TMEM132C: variants seen among roughly 807,000 people sequenced by gnomAD.
TMEM132C encodes transmembrane protein 132C.
In TMEM132C, 29 loss-of-function variants were observed where a neutral mutation model predicts 61.4. That is an observed-to-expected ratio of 0.47 (90% CI 0.35 to 0.64). TMEM132C has a LOEUF of 0.64. TMEM132C is among the 30% of genes least tolerant of loss of function. The probability of loss-of-function intolerance (pLI) is 0.00; values close to 1 mark genes in which losing one functional copy is unlikely to be tolerated. For missense variants in TMEM132C, 1,408 were observed against 1,476.9 expected, an observed-to-expected ratio of 0.95 and a Z score of 0.76; for synonymous variants, 656 against 633.1, an observed-to-expected ratio of 1.04 and a Z score of -0.54.
Position 128,418,434 on chromosome 12 carries a change from A to T in TMEM132C, c.974+2814A>T, listed in dbSNP as rs1019632154. ...AGTGTGGCAAATGGAATTTTGCTCT[A>T]TGTGGAGTCTCTCTGTTTCTCTCCT... On this transcript the variant is annotated intron_variant, in intron 2 of 8. Coordinates refer to ENST00000435159, the MANE Select transcript of TMEM132C (RefSeq NM_001136103.3). 5.9e-5 allele frequency among the ~76,000 whole-genome samples: 9 copies of T among 152,340 alleles called. No homozygotes were observed. The East Asian group carries it at 1.7e-3, about 29-fold the overall frequency.
At chr12:128,357,707 A>G (rs981942541) in intron 1 of TMEM132C, among the ~76,000 whole-genome samples, 8 of 149,588 alleles carry the variant, frequency 5.3e-5, no homozygotes, top group African/African-American at 1.8e-4. Context: ...AAAAAAAAAA[A>G]AAAGAAAAAG....
chr12:128,706,012 G>T lies in TMEM132C; in HGVS notation c.3044G>T (p.Gly1015Val). ...CEESNHLLLN[G>V]GSHKHVQSQI... ...GAGAGCAACCATCTCCTGCTCAATG[G>T]TGGCTCCCACAAGCACGTGCAGAGC... The change falls in exon 9 of 9, where the codon GGT becomes GTT. Residue 1015 changes from glycine to valine, a missense_variant. Coordinates refer to ENST00000435159, the MANE Select transcript of TMEM132C (RefSeq NM_001136103.3). 1 of 1,551,728 alleles carries T rather than the reference G, an allele frequency of 6.4e-7. No homozygotes were observed. The highest frequency in any genetic ancestry group is 8.7e-7 in the Non-Finnish European group (1 of 1,146,998).
At position 128,705,425 on chromosome 12, in the gene TMEM132C, C is replaced by T; in HGVS notation, c.2457C>T (p.Asn819=). ...ACTATGAGGAAGATGAGATCAAGAA[C>T]CACGCCAGCGACCGCCGGCAGAAGG... ...GGDYEEDEIK[N]HASDRRQKGQ... Residue 819 remains asparagine, a synonymous_variant, in exon 9 of 9, where the codon AAC becomes AAT. Coordinates refer to ENST00000435159, the MANE Select transcript of TMEM132C (RefSeq NM_001136103.3). 3 of 1,550,952 alleles carry T rather than the reference C, an allele frequency of 1.9e-6. No individual in the cohort carries two copies. Among genetic ancestry groups the T allele is most frequent in the Non-Finnish European group, 2.6e-6 (3 of 1,146,968 alleles).
chr12:128,617,607 A>C (rs6486706), intron 4 of TMEM132C, among the ~76,000 whole-genome samples: 98,270 of 151,736 alleles, frequency 0.65, 31,946 homozygotes, highest in South Asian at 0.68. Context: ...GCAGATGCAG[A>C]GTCAGGTGGG....
intron 2 of TMEM132C, among the ~76,000 whole-genome samples, chr12:128,424,046 CAA>C (rs144980387): frequency 5.2e-4 from 38 of 72,750 alleles, no homozygotes; most frequent in Admixed American, 1.6e-3. Flanking sequence ...GACTCTGTCT[CAA>C]AAAAAAAAAA....
At chr12:128,443,713 C>T (rs1483198104) in intron 2 of TMEM132C, among the ~76,000 whole-genome samples, 1 of 152,126 alleles carries the variant, frequency 6.6e-6, no homozygotes, top group East Asian at 1.9e-4. Context: ...CCTCGTTTTT[C>T]ATCCCGCTTC....
rs151084838 is a variant in TMEM132C at position 128,310,097 on chromosome 12, G to C, written c.85+42610G>C. Among the ~76,000 whole-genome samples the C allele has an allele frequency of 2.6e-5, 4 of 152,266 alleles. No individual in the cohort carries two copies. In the East Asian group the frequency reaches 5.8e-4, roughly 22 times the overall value. On this transcript the variant is annotated intron_variant, in intron 1 of 8. Coordinates refer to ENST00000435159, the MANE Select transcript of TMEM132C (RefSeq NM_001136103.3). ...TTGTACAGACAGATCACTACCTTTT[G>C]ACTATGCAAACCTTTGACTAATCAA...
intron 2 of TMEM132C, among the ~76,000 whole-genome samples, chr12:128,528,505 T>C (rs570317413): frequency 6.6e-6 from 1 of 152,200 alleles, no homozygotes; most frequent in Admixed American, 6.5e-5. Flanking sequence ...CACAGCGGTG[T>C]CTCCTGCTCG....
chr12:128,485,437 A>G (rs933422305), intron 2 of TMEM132C, among the ~76,000 whole-genome samples: 1 of 152,134 alleles, frequency 6.6e-6, no homozygotes, highest in Non-Finnish European at 1.5e-5. Flanking sequence ...TCGGCCTCCC[A>G]AAGTGCTGGG....
rs112947744 is a variant in TMEM132C at position 128,670,523 on chromosome 12, G to C, written c.1449+963G>C. Among the ~76,000 whole-genome samples, 193 of 152,294 alleles carry C rather than the reference G, an allele frequency of 1.3e-3. 1 individual carries two copies. Among genetic ancestry groups the C allele is most frequent in the Middle Eastern group, 0.01 (3 of 294 alleles). On this transcript the variant is annotated intron_variant, in intron 5 of 8. Coordinates refer to ENST00000435159, the MANE Select transcript of TMEM132C (RefSeq NM_001136103.3). ...TTCCACATGTACGTGAGATCGTGCA[G>C]TGTTTGTCTTTCTGTGCCTGGCTTA...
At chr12:128,276,318 A>C (rs985944564) in intron 1 of TMEM132C, among the ~76,000 whole-genome samples, 2 of 152,216 alleles carry the variant, frequency 1.3e-5, no homozygotes, top group Non-Finnish European at 2.9e-5. Flanking sequence ...TTTTAAAAAT[A>C]ACTGAGAATA....
At chr12:128,612,742 G>A (rs560960201) in intron 3 of TMEM132C, among the ~76,000 whole-genome samples, 7 of 152,298 alleles carry the variant, frequency 4.6e-5, no homozygotes, top group East Asian at 1.9e-4. Context: ...ACAACAAAAC[G>A]CTTTCGGGAG....
At chr12:128,537,763 T>A (rs1873586512) in intron 2 of TMEM132C, among the ~76,000 whole-genome samples, 1 of 152,174 alleles carries the variant, frequency 6.6e-6, no homozygotes, top group Non-Finnish European at 1.5e-5. Context: ...CATAGAACTA[T>A]ACACCAAAAA....
chr12:128,289,237 C>T (rs536129932), intron 1 of TMEM132C, among the ~76,000 whole-genome samples: 3 of 152,312 alleles, frequency 2.0e-5, no homozygotes, highest in South Asian at 2.1e-4. Context: ...TACACACCCT[C>T]TCACATGTTA....
At chr12:128,409,349 C>T (rs1446882603) in intron 1 of TMEM132C, among the ~76,000 whole-genome samples, 1 of 152,154 alleles carries the variant, frequency 6.6e-6, no homozygotes, top group African/African-American at 2.4e-5. Context: ...TATTCAGCAA[C>T]TTAGCCAGCT....
chr12:128,280,450 AAC>A (rs1870854592), intron 1 of TMEM132C, among the ~76,000 whole-genome samples: 4 of 152,244 alleles, frequency 2.6e-5, no homozygotes, highest in African/African-American at 9.6e-5. Flanking sequence ...CTAAACTTCA[AAC>A]ACAGACCAGA....
At position 128,706,393 on chromosome 12, in the gene TMEM132C, G is replaced by A. The variant is rs142274019; in HGVS notation, c.*98G>A. ...GTTGTCAGTGGGGTTAAGAAGGGACGGTCCCAGGGTCCATGCTAGACCAGT... is the reference window on the plus strand; with the variant it reads ...GTTGTCAGTGGGGTTAAGAAGGGACAGTCCCAGGGTCCATGCTAGACCAGT... On this transcript the variant is annotated 3_prime_UTR_variant, in exon 9 of 9. Coordinates refer to ENST00000435159, the MANE Select transcript of TMEM132C (RefSeq NM_001136103.3). 3,273 of 1,396,394 alleles carry A rather than the reference G, an allele frequency of 2.3e-3. 29 individuals are homozygous for A. Among genetic ancestry groups the A allele is most frequent in the South Asian group, 0.018 (1,150 of 64,804 alleles). 86.5% of individuals were successfully genotyped at this position (1,396,394 alleles called of 1,614,324 possible).
At chr12:128,642,452 G>A (rs113784418) in intron 4 of TMEM132C, among the ~76,000 whole-genome samples, 5,126 of 152,290 alleles carry the variant, frequency 0.034, 100 homozygotes, top group Middle Eastern at 0.051. Flanking sequence ...GTGATCCCCA[G>A]CATTGGAGGT....
intron 5 of TMEM132C, among the ~76,000 whole-genome samples, chr12:128,691,892 TC>T (rs773157848): frequency 6.6e-6 from 1 of 151,748 alleles, no homozygotes; most frequent in East Asian, 1.9e-4. Flanking sequence ...CATGTGTCTG[TC>T]CATCAGTGTG....
Sources: gnomAD v4.1 joint callset for allele counts (sites outside exome capture counted in the v4.1 genomes callset) on GRCh38, gnomAD v4.1.1 for gene constraint, MANE v1.5 for transcripts, NCBI Gene and HGNC (gene_info 2026-07-23, HGNC 2026-07-21) for gene names.